Variants in TMA16 observed in about 807,000 individuals in gnomAD.
The protein encoded by TMA16 is translation machinery-associated protein 16.
In TMA16, 26 loss-of-function variants were observed where a neutral mutation model predicts 27.1. The ratio of observed to expected loss-of-function variants is 0.96; its 90% confidence interval spans 0.70 to 1.33. The LOEUF is 1.33. TMA16 is among the 40% of genes most tolerant of loss of function. The pLI, the probability that TMA16 is intolerant of heterozygous loss-of-function variation, is 0.00. For synonymous variants in TMA16, 71 were observed against 81.9 expected, an observed-to-expected ratio of 0.87 and a Z score of 0.72; for missense variants, 233 against 241.4, an observed-to-expected ratio of 0.97 and a Z score of 0.23.
At chr4:163,508,604 G>A (rs1737749534) in intron 2 of TMA16, among the ~76,000 whole-genome samples, 1 of 152,118 alleles carries the variant, frequency 6.6e-6, no homozygotes, top group South Asian at 2.1e-4. Context: ...TTAATGTAAA[G>A]TGAAAGGATC....
chr4:163,519,305 C>T, intron 6 of TMA16, 29 bp from the exon 7 acceptor site: 1 of 1,521,046 alleles, frequency 6.6e-7, no homozygotes, highest in Non-Finnish European at 8.8e-7. Context: ...CAACACTCTG[C>T]ACTCTTTTTT....
chr4:163,517,536 T>G, intron 6 of TMA16, 60 bp downstream of exon 6: 1 of 1,470,642 alleles, frequency 6.8e-7, no homozygotes, highest in Non-Finnish European at 9.3e-7. Context: ...CAGGTGAACT[T>G]TCTTCCCCTT....
At chr4:163,510,116 T>C (rs908990221) in intron 2 of TMA16, among the ~76,000 whole-genome samples, 1 of 152,182 alleles carries the variant, frequency 6.6e-6, no homozygotes, top group African/African-American at 2.4e-5. Flanking sequence ...TCAGAATTAT[T>C]GCAACTTGAC....
intron 1 of TMA16, among the ~76,000 whole-genome samples, chr4:163,498,286 A>ATTTTT (rs10608478): frequency 8.0e-6 from 1 of 125,692 alleles, no homozygotes; most frequent in African/African-American, 2.9e-5. Context: ...TGGTTAAAAG[A>ATTTTT]TTTTTTTTTT....
rs1737938819 is a variant in TMA16 at position 163,519,607 on chromosome 4, T to G, written c.*93T>G. ...TAATTGTCATGATACAAAAATTTGA[T>G]ACTGACATTCTCTTATATGATGAGA... is the stretch of plus-strand genomic sequence containing the variant. On this transcript the variant is annotated 3_prime_UTR_variant, in exon 7 of 7. Transcript: ENST00000358572. The G allele has an allele frequency of 8.2e-7, 1 of 1,222,346 alleles. No individual in the cohort carries two copies. The highest frequency in any genetic ancestry group is 1.1e-6 in the Non-Finnish European group (1 of 897,494). The allele number at this position is 1,222,346 out of a possible 1,614,324, so 75.7% of individuals were successfully genotyped here. A position where few individuals can be genotyped will look rare whatever the true frequency, so the allele number is the denominator to read the frequency against.
intron 1 of TMA16, among the ~76,000 whole-genome samples, chr4:163,497,230 C>T (rs2110785598): frequency 6.6e-6 from 1 of 152,286 alleles, no homozygotes; most frequent in Non-Finnish European, 1.5e-5. Flanking sequence ...CTTAATACAT[C>T]TCATAGAGAT....
intron 1 of TMA16, among the ~76,000 whole-genome samples, chr4:163,504,191 G>C (rs1277212437): frequency 6.6e-6 from 1 of 152,096 alleles, no homozygotes; most frequent in African/African-American, 2.4e-5. Flanking sequence ...TCTTCCCTGG[G>C]ATTTTTGTGA....
intron 1 of TMA16, among the ~76,000 whole-genome samples, chr4:163,498,739 G>T (rs1737601718): frequency 6.6e-6 from 1 of 152,162 alleles, no homozygotes; most frequent in South Asian, 2.1e-4. Flanking sequence ...CTCATAGCTA[G>T]CTCGCTGCAG....
chr4:163,517,597 CT>C (rs1464565079), intron 6 of TMA16, 121 bp downstream of exon 6: 4 of 849,148 alleles, frequency 4.7e-6, no homozygotes, highest in Non-Finnish European at 7.2e-6. Context: ...TTAACCTTTT[CT>C]TTTTTATCTG....
At position 163,515,441 on chromosome 4, in the gene TMA16, A is replaced by C. The variant is rs1737862916; in HGVS notation, c.368A>C (p.Gln123Pro). The C allele has an allele frequency of 6.2e-7, 1 of 1,613,880 alleles. No homozygotes were observed. Among genetic ancestry groups the C allele is most frequent in the African/African-American group, 1.3e-5 (1 of 74,910 alleles). The change falls in exon 5 of 7, where the codon CAG (glutamine) becomes CCG (proline). Residue 123 changes from glutamine (Q) to proline (P), a missense_variant. Coordinates refer to ENST00000358572, the MANE Select transcript of TMA16 (RefSeq NM_018352.3). The stretch of plus-strand genomic sequence containing the variant: ...CAGACGATGGAGCGGGAGCGACAGC[A>C]GTTTGAGGGATATGGCCTTGGTGTG... ...IKQTMERERQ[Q>P]FEGYGLEIPD...
chr4:163,497,208 A>G (rs1387634229), intron 1 of TMA16, among the ~76,000 whole-genome samples: 2 of 152,362 alleles, frequency 1.3e-5, no homozygotes, highest in Middle Eastern at 3.4e-3. Flanking sequence ...GTGAGCCACA[A>G]CAACAAATCA....
Position 163,519,482 on chromosome 4 carries a change from G to T in TMA16, c.580G>T (p.Asp194Tyr). Residue 194 changes from aspartate to tyrosine, a missense_variant, in exon 7 of 7, where the codon GAT becomes TAT. Coordinates refer to ENST00000358572, the MANE Select transcript of TMA16 (RefSeq NM_018352.3). ...ATTGGAACTAAACGATGAATCAAGTGATTCAGATGAGGAAATGACTGCAGT... is the reference window on the plus strand; with the variant it reads ...ATTGGAACTAAACGATGAATCAAGTTATTCAGATGAGGAAATGACTGCAGT... ...GELELNDESS[D>Y]SDEEMTAVA 1 of 1,600,238 alleles carries T rather than the reference G, an allele frequency of 6.2e-7. No homozygotes were observed. Among genetic ancestry groups the T allele is most frequent in the Non-Finnish European group, 8.5e-7 (1 of 1,175,468 alleles).
intron 4 of TMA16, 42 bp from the exon 5 acceptor site, chr4:163,515,271 A>G: frequency 1.3e-6 from 2 of 1,577,132 alleles, no homozygotes; most frequent in South Asian, 1.2e-5. Context: ...AGCCCAATAC[A>G]TATACTTTGT....
intron 6 of TMA16, among the ~76,000 whole-genome samples, chr4:163,518,474 A>G (rs1737918780): frequency 6.6e-6 from 1 of 152,182 alleles, no homozygotes; most frequent in Non-Finnish European, 1.5e-5. Context: ...AATTGTTTGT[A>G]TTCAACAAAG....
In TMA16 at chr4:163,517,329, T is replaced by C. The variant is rs922810107; in HGVS notation, c.389-105T>C. The C allele has an allele frequency of 5.7e-5, 65 of 1,133,206 alleles. 2 individuals are homozygous for C. Among genetic ancestry groups the C allele is most frequent in the Non-Finnish European group, 3.9e-6 (3 of 778,548 alleles). 70.2% of individuals were successfully genotyped at this position (1,133,206 alleles called of 1,614,324 possible). On this transcript the variant is annotated intron_variant, in intron 5 of 6. Transcript: ENST00000358572. ...TTAATTACAGCAATACTTCGAAATT[T>C]TGTTTTCTGTTGGATATTCTTGCTA...
intron 6 of TMA16, among the ~76,000 whole-genome samples, chr4:163,518,007 T>C (rs1737910888): frequency 6.6e-6 from 1 of 152,060 alleles, no homozygotes; most frequent in Non-Finnish European, 1.5e-5. Flanking sequence ...TGATTTTAAA[T>C]TCAGAGGTAC....
intron 2 of TMA16, among the ~76,000 whole-genome samples, chr4:163,507,644 G>A (rs2110800443): frequency 6.6e-6 from 1 of 152,164 alleles, no homozygotes; most frequent in Non-Finnish European, 1.5e-5. Flanking sequence ...CCGTGAGACT[G>A]GATAGGATCA....
chr4:163,511,236 T>G (rs1047193237), intron 2 of TMA16, among the ~76,000 whole-genome samples: 7 of 152,148 alleles, frequency 4.6e-5, no homozygotes, highest in African/African-American at 1.4e-4. Context: ...TCAGGGTTTT[T>G]TTTTTCTCTT....
chr4:163,496,497 C>T (rs1199505564), intron 1 of TMA16, among the ~76,000 whole-genome samples: 1 of 152,128 alleles, frequency 6.6e-6, no homozygotes, highest in South Asian at 2.1e-4. Flanking sequence ...ATCTTTATAT[C>T]AAAATTTAGT....
Sources: allele counts gnomAD v4.1 joint callset (sites outside exome capture counted in the v4.1 genomes callset), GRCh38; gene constraint gnomAD v4.1.1; transcripts MANE v1.5; gene names NCBI Gene and HGNC (gene_info 2026-07-23, HGNC 2026-07-21).